The following NSD1 variants were observed in gnomAD, a reference collection of about 807,000 sequenced individuals.
NSD1 encodes the protein nuclear receptor binding SET domain protein 1, also known as histone-lysine N-methyltransferase, H3 lysine-36 specific.
Under a neutral mutation model 242.7 loss-of-function variants are expected in NSD1, and 26 were observed. The ratio of observed to expected loss-of-function variants is 0.11; its 90% CI spans 0.08 to 0.15. The LOEUF (loss-of-function observed/expected upper bound fraction) is 0.15. Among genes scored for constraint, NSD1 ranks in the 10% least tolerant of loss-of-function variants. NSD1 has a pLI of 1.00. For missense variants in NSD1, 2,495 were observed against 3,272.8 expected (o/e 0.76, Z 5.80); for synonymous variants, 1,106 against 1,178.1 (o/e 0.94, Z 1.25).
chr5:177,133,575 G>C (rs1756014684), upstream of NSD1: 1 of 150,450 alleles, frequency 6.6e-6, no homozygotes, highest in Non-Finnish European at 1.5e-5. The surrounding 1 kb of genome is among the most constrained non-coding windows in gnomAD (Gnocchi z 6.2). Flanking sequence ...GGCAGCGGCA[G>C]CTCCGCTGAT....
chr5:177,216,067 T>A (rs1352058991), intron 5 of NSD1, among the ~76,000 whole-genome samples: 1 of 152,122 alleles, frequency 6.6e-6, no homozygotes, highest in African/African-American at 2.4e-5. Flanking sequence ...CTGGCTATGC[T>A]GCCCAGGCTG....
intron 2 of NSD1, among the ~76,000 whole-genome samples, chr5:177,166,743 C>CT (rs967834304): frequency 0.035 from 4,647 of 133,402 alleles, 108 homozygotes; most frequent in African/African-American, 0.058. Flanking sequence ...TTTTGAGTTA[C>CT]TTTTTTTTTT....
At chr5:177,154,650 G>A (rs1461371478) in intron 2 of NSD1, among the ~76,000 whole-genome samples, 2 of 152,008 alleles carry the variant, frequency 1.3e-5, no homozygotes, top group East Asian at 3.9e-4. Flanking sequence ...AATGGTGTAT[G>A]TTGAAATCTT....
At chr5:177,207,426 G>T (rs975292604) in intron 4 of NSD1, among the ~76,000 whole-genome samples, 4 of 151,430 alleles carry the variant, frequency 2.6e-5, no homozygotes. Context: ...GGGACTACAG[G>T]TGTCCGCCAC....
chr5:177,133,440 C>T (rs1460043383), upstream of NSD1, among the ~76,000 whole-genome samples: 2 of 151,864 alleles, frequency 1.3e-5, no homozygotes, highest in African/African-American at 4.8e-5. This position sits in a 1 kb window ranked among gnomAD's most constrained non-coding sequence, Gnocchi z 6.2. Context: ...ACGACGCCCG[C>T]AGGCCCCGAC....
chr5:177,158,285 C>CT (rs1422854328), intron 2 of NSD1, among the ~76,000 whole-genome samples: 1,740 of 89,896 alleles, frequency 0.019, 15 homozygotes, highest in Non-Finnish European at 0.024. Context: ...TTCTTTCTTT[C>CT]TTTCTTTCTT....
chr5:177,253,371 A>G (rs753189233), intron 12 of NSD1, among the ~76,000 whole-genome samples: 10 of 152,188 alleles, frequency 6.6e-5, no homozygotes, highest in Non-Finnish European at 1.2e-4. Context: ...AAATTTTGGT[A>G]TGTGTATATG....
intron 5 of NSD1, among the ~76,000 whole-genome samples, chr5:177,225,833 C>G (rs1236452162): frequency 6.6e-6 from 1 of 152,020 alleles, no homozygotes; most frequent in Non-Finnish European, 1.5e-5. Flanking sequence ...AGAAGCTATT[C>G]AGTAAAAATT....
intron 16 of NSD1, 141 bp from the exon 17 acceptor site, chr5:177,273,531 T>C: frequency 1.5e-6 from 1 of 675,180 alleles, no homozygotes; most frequent in Non-Finnish European, 2.7e-6. Context: ...TTATGTGTTT[T>C]CTTTTTCATA....
chr5:177,156,174 ATTTTTTTTTTTTT>A (rs34417228), intron 2 of NSD1, among the ~76,000 whole-genome samples: 1 of 78,008 alleles, frequency 1.3e-5, no homozygotes, highest in African/African-American at 5.4e-5. Flanking sequence ...CTCTTTTCAG[ATTTTTTTTTTTTT>A]TTTTTTTTTT....
chr5:177,256,922 T>A, intron 12 of NSD1, 29 bp from the exon 13 acceptor site: 1 of 1,584,044 alleles, frequency 6.3e-7, no homozygotes, highest in South Asian at 1.1e-5. Flanking sequence ...CTTGAATTCT[T>A]ACTAATTTAT....
At chr5:177,132,782 C>T (rs1755963790), upstream of NSD1, among the ~76,000 whole-genome samples, 1 of 151,834 alleles carries the variant, frequency 6.6e-6, no homozygotes, top group Non-Finnish European at 1.5e-5. This position sits in a 1 kb window ranked among gnomAD's most constrained non-coding sequence, Gnocchi z 7.5. Flanking sequence ...CCCCGCACGG[C>T]CCGGCAAGGG....
intron 2 of NSD1, among the ~76,000 whole-genome samples, chr5:177,183,247 T>C (rs1005560263): frequency 6.6e-6 from 1 of 152,230 alleles, no homozygotes; most frequent in East Asian, 1.9e-4. Context: ...AATGCTATTG[T>C]ACACAGACTA....
rs561689471 is a variant in NSD1, at chr5:177,236,907, G to C, written c.3921+962G>C. 2.6e-5 allele frequency among the ~76,000 whole-genome samples: 4 copies of C among 152,308 alleles called. No homozygotes were observed. The East Asian group carries it at 7.7e-4, about 29-fold the overall frequency. ...TGGAGTGCAGAGATGCACGAACACG[G>C]TTCACTGCAGCCTTGACCTCCTGGG... On this transcript the variant is annotated intron_variant, in intron 6 of 22. Coordinates refer to ENST00000439151, the MANE Select transcript of NSD1 (RefSeq NM_022455.5).
At chr5:177,257,524 C>T (rs1756588063) in intron 13 of NSD1, among the ~76,000 whole-genome samples, 1 of 152,052 alleles carries the variant, frequency 6.6e-6, no homozygotes, top group Non-Finnish European at 1.5e-5. Context: ...AGCCGCTGCG[C>T]CCGGCCGGCA....
rs200168805 is a variant in NSD1 at position 177,294,004 on chromosome 5, T to C, written c.6636T>C (p.Pro2212=). 33 of 1,614,090 alleles carry C rather than the reference T, an allele frequency of 2.0e-5. No individual in the cohort carries two copies. The African/African-American group carries it at 4.0e-4, about 20-fold the overall frequency. Residue 2212 remains proline, a synonymous_variant, in exon 23 of 23, where the codon CCT becomes CCC. Transcript: ENST00000439151. ...AGCATGACCCCTGTGGGCCCAATCC[T>C]CTGGAACCTGGGGAGATCCGTGAGT... ...CTEHDPCGPN[P]LEPGEIREYV...
At chr5:177,146,027 T>C (rs1023220222) in intron 2 of NSD1, among the ~76,000 whole-genome samples, 14 of 151,626 alleles carry the variant, frequency 9.2e-5, no homozygotes, top group Admixed American at 7.9e-4. Context: ...AGTTTGAGGC[T>C]ACAGTGAACA....
chr5:177,294,991 G>C lies in NSD1; in HGVS notation c.7623G>C (p.Gln2541His), dbSNP rs2127283766. 6.2e-7 allele frequency: 1 copy of C among 1,614,266 alleles called. No homozygotes were observed. The change falls in exon 23 of 23, where the codon CAG becomes CAC. Residue 2541 changes from glutamine (Q) to histidine (H), a missense_variant. By Grantham distance (24) the Gln-to-His change is conservative. Transcript: ENST00000439151. ...KSLTQARLLS[Q>H]PPAKAFLYEP... ...TCACCCAGGCCAGACTTCTTTCTCA[G>C]CCTCCTGCCAAGGCCTTTTTATATG... is the stretch of plus-strand genomic sequence containing the variant.
intron 3 of NSD1, among the ~76,000 whole-genome samples, chr5:177,195,287 A>G (rs1762020336): frequency 6.6e-6 from 1 of 152,142 alleles, no homozygotes; most frequent in South Asian, 2.1e-4. Context: ...GTTTGAGACC[A>G]GCCTTGGCAA....
Sources: allele counts gnomAD v4.1 joint callset (sites outside exome capture counted in the v4.1 genomes callset), GRCh38; gene constraint gnomAD v4.1.1; non-coding constraint Gnocchi (gnomAD v3.1); transcripts MANE v1.5; gene names NCBI Gene and HGNC (gene_info 2026-07-23, HGNC 2026-07-21).